ALPK2: variants seen among roughly 807,000 people sequenced by gnomAD.
ALPK2 encodes the protein alpha-protein kinase 2.
A neutral mutation model predicts 163.1 loss-of-function variants in ALPK2; 127 were observed. The ratio of observed to expected loss-of-function variants is 0.78; its 90% confidence interval spans 0.67 to 0.90. The LOEUF (loss-of-function observed/expected upper bound fraction) is 0.90, where lower values mean the gene tolerates loss of function less well. ALPK2 is among the 40% of genes least tolerant of loss of function. The probability of loss-of-function intolerance (pLI) is 0.00; values close to 1 mark genes in which losing one functional copy is unlikely to be tolerated. For missense variants in ALPK2, 2,360 were observed against 2,589.6 expected, an observed-to-expected ratio of 0.91 and a Z score of 1.92; for synonymous variants, 953 against 959.1, an observed-to-expected ratio of 0.99 and a Z score of 0.12.
intron 4 of ALPK2, among the ~76,000 whole-genome samples, chr18:58,551,742 C>T (rs2051761397): frequency 6.6e-6 from 1 of 152,144 alleles, no homozygotes. Flanking sequence ...TTGTCCCTCT[C>T]CTGGAAGTTA....
intron 4 of ALPK2, among the ~76,000 whole-genome samples, chr18:58,564,123 C>CTTTTTTTTTTTTTTTTTTTTTTTTTTTT (rs10689097): frequency 4.9e-5 from 5 of 102,452 alleles, no homozygotes; most frequent in African/African-American, 1.7e-4. Flanking sequence ...TGTCTTTGTT[C>CTTTTTTTTTTTTTTTTTTTTTTTTTTTT]TTTTTTTTTT....
chr18:58,519,044 C>T (rs994135976), intron 8 of ALPK2, among the ~76,000 whole-genome samples: 5 of 152,120 alleles, frequency 3.3e-5, no homozygotes, highest in African/African-American at 1.2e-4. Context: ...TTTTCTTCCC[C>T]AATAACTCCT....
chr18:58,530,059 A>G (rs919724525), intron 5 of ALPK2, among the ~76,000 whole-genome samples: 4 of 152,254 alleles, frequency 2.6e-5, no homozygotes, highest in African/African-American at 9.6e-5. Context: ...GCATAACTCC[A>G]CAGCGTTGGT....
rs190056219 is a variant in ALPK2, at chr18:58,523,441, G to A, written c.5665+365C>T. On this transcript the variant is annotated intron_variant, in intron 8 of 12. Coordinates refer to ENST00000361673, the MANE Select transcript of ALPK2 (RefSeq NM_052947.4). ...TTGGGTATATACCCAGTAATGGGAT[G>A]GCTGGGTCAAATGGTATTTCTAGTT... is the stretch of plus-strand genomic sequence containing the variant. 3.3e-3 allele frequency among the ~76,000 whole-genome samples: 503 copies of A among 152,240 alleles called. 2 individuals carry two copies. The highest frequency in any genetic ancestry group is 0.011 in the African/African-American group (474 of 41,536).
In ALPK2 at chr18:58,503,794, G is replaced by C. The variant is rs114663336; in HGVS notation, c.6247+137C>G. 2.7e-3 allele frequency: 1,964 copies of C among 715,720 alleles called. 25 individuals carry two copies. The African/African-American group carries it at 0.031, about 11-fold the overall frequency. 44.3% of individuals were successfully genotyped at this position (715,720 alleles called of 1,614,324 possible). A position where few individuals can be genotyped will look rare whatever the true frequency, so the allele number is the denominator to read the frequency against. On this transcript the variant is annotated intron_variant, in intron 11 of 12. Coordinates refer to ENST00000361673, the MANE Select transcript of ALPK2 (RefSeq NM_052947.4). ...AAATCTTGTTTCTGAGGAGGCATCA[G>C]TAACAGCTTCTGCAGGTAAAGGTGT...
intron 2 of ALPK2, among the ~76,000 whole-genome samples, chr18:58,607,914 C>T (rs12956992): frequency 0.22 from 32,815 of 152,092 alleles, 3,634 homozygotes; most frequent in Non-Finnish European, 0.24. Context: ...TAATTTCCAT[C>T]TAGGAGAAAA....
At chr18:58,623,226 G>A (rs2052211655) in intron 1 of ALPK2, among the ~76,000 whole-genome samples, 1 of 151,542 alleles carries the variant, frequency 6.6e-6, no homozygotes, top group African/African-American at 2.4e-5. Flanking sequence ...GCCTCCACTT[G>A]CCTTATTTCC....
chr18:58,591,866 G>C (rs181063792), intron 3 of ALPK2, among the ~76,000 whole-genome samples: 46 of 152,310 alleles, frequency 3.0e-4, no homozygotes, highest in African/African-American at 9.6e-4. Flanking sequence ...AGAGACTGGG[G>C]CCATGCTAGG....
chr18:58,544,044 C>T (rs904109133), intron 4 of ALPK2, among the ~76,000 whole-genome samples: 1 of 152,202 alleles, frequency 6.6e-6, no homozygotes, highest in Non-Finnish European at 1.5e-5. Flanking sequence ...CCTACAAGGT[C>T]TAAGGGTAGG....
intron 12 of ALPK2, among the ~76,000 whole-genome samples, chr18:58,489,522 CA>C (rs59828769): frequency 0.16 from 23,627 of 150,670 alleles, 1,981 homozygotes; most frequent in East Asian, 0.38. Context: ...CCCACCCCTA[CA>C]AAAAAAAATT....
rs73445161 is a variant in ALPK2, at chr18:58,530,403, G to T, written c.5354-1165C>A. On this transcript the variant is annotated intron_variant, in intron 5 of 12. Coordinates refer to ENST00000361673, the MANE Select transcript of ALPK2 (RefSeq NM_052947.4). ...ACAAGTACGTATTGATGGCAAACCC[G>T]CATCAGTGCATTTGGGCCTGCTGGT... Among the ~76,000 whole-genome samples the T allele has an allele frequency of 1.3e-5, 2 of 152,288 alleles. 1 individual carries two copies. Among genetic ancestry groups the T allele is most frequent in the South Asian group, 4.1e-4 (2 of 4,830 alleles).
chr18:58,558,191 T>A (rs1385784916), intron 4 of ALPK2, among the ~76,000 whole-genome samples: 4 of 152,222 alleles, frequency 2.6e-5, no homozygotes, highest in Non-Finnish European at 5.9e-5. Flanking sequence ...CCTTCCAAAT[T>A]AATTTCATGA....
At position 58,578,802 on chromosome 18, in the gene ALPK2, GA is replaced by G; in HGVS notation, c.1962+11del. ...TTTTTATCTCGTAATTTCTTTAAAA[GA>G]AAAGTCTTACCTGAGGAGGATCACT... On this transcript the variant is annotated intron_variant, in intron 4 of 12. Coordinates refer to ENST00000361673, the MANE Select transcript of ALPK2 (RefSeq NM_052947.4). 6.4e-7 allele frequency: 1 copy of G among 1,570,592 alleles called. No individual in the cohort carries two copies. The highest frequency in any genetic ancestry group is 8.6e-7 in the Non-Finnish European group (1 of 1,158,524).
chr18:58,518,912 G>A (rs1357756393), intron 8 of ALPK2, among the ~76,000 whole-genome samples: 2 of 152,180 alleles, frequency 1.3e-5, no homozygotes, highest in Non-Finnish European at 2.9e-5. Context: ...AGCACTTCTG[G>A]AGTATCTCCC....
chr18:58,523,828 C>T lies in ALPK2; in HGVS notation c.5643G>A (p.Leu1881=). 3.1e-6 allele frequency: 5 copies of T among 1,614,178 alleles called. No individual in the cohort carries two copies. In the South Asian group the frequency reaches 5.5e-5, roughly 18 times the overall value. Residue 1881 remains leucine, a synonymous_variant, in exon 8 of 13, where the codon CTG becomes CTA. Coordinates refer to ENST00000361673, the MANE Select transcript of ALPK2 (RefSeq NM_052947.4). The part of the protein sequence containing the change: ...FNLTAEVLKQ[L]SSRQDTKGCE... ...TACCTTTAGTATCCTGGCGACTTGA[C>T]AGCTGTTTGAGAACTAGAAGAAGAC...
chr18:58,596,469 G>A (rs545974045), intron 3 of ALPK2, among the ~76,000 whole-genome samples: 242 of 152,292 alleles, frequency 1.6e-3, no homozygotes, highest in African/African-American at 5.8e-3. Context: ...AACAGGAGAA[G>A]AATCTCCATC....
chr18:58,589,704 C>T (rs548551599), intron 3 of ALPK2, among the ~76,000 whole-genome samples: 62 of 152,124 alleles, frequency 4.1e-4, no homozygotes, highest in Admixed American at 1.8e-3. Flanking sequence ...ATACATCTAC[C>T]TATTGACCAC....
chr18:58,613,708 A>AAAAAAAAATAATAAT (rs1296907485), intron 1 of ALPK2, among the ~76,000 whole-genome samples: 5 of 95,216 alleles, frequency 5.3e-5, no homozygotes, highest in Non-Finnish European at 1.1e-4. Flanking sequence ...CAAAAAAAAA[A>AAAAAAAAATAATAAT]AATAATAATA....
chr18:58,568,912 AAGTCTATTTAGAAGTTAC>A (rs1408669153), intron 4 of ALPK2, among the ~76,000 whole-genome samples: 4 of 152,160 alleles, frequency 2.6e-5, no homozygotes, highest in Non-Finnish European at 1.5e-5. Context: ...ACCAAGAGAC[AAGTCTATTTAGAAGTTAC>A]AGGCTGGGCA....
Sources: gnomAD v4.1 joint callset for allele counts (sites outside exome capture counted in the v4.1 genomes callset) on GRCh38, gnomAD v4.1.1 for gene constraint, MANE v1.5 for transcripts, NCBI Gene and HGNC (gene_info 2026-07-23, HGNC 2026-07-21) for gene names.